Variants in PCDHGA3 observed in about 807,000 individuals in gnomAD.
The protein encoded by PCDHGA3 is protocadherin gamma-A3.
In PCDHGA3, 40 loss-of-function variants were observed where a neutral mutation model predicts 58.5. The ratio of observed to expected loss-of-function variants is 0.68; its 90% CI spans 0.53 to 0.89. PCDHGA3 has a LOEUF of 0.89. PCDHGA3 is among the 40% of genes least tolerant of loss of function. PCDHGA3 has a pLI of 0.00. For missense variants in PCDHGA3, 1,223 were observed against 1,195.9 expected (o/e 1.02, Z -0.33); for synonymous variants, 530 against 525.7 (o/e 1.01, Z -0.11).
chr5:141,433,837 C>CAA (rs56191208), intron 1 of PCDHGA3, among the ~76,000 whole-genome samples: 9,379 of 111,452 alleles, frequency 0.084, 424 homozygotes, highest in African/African-American at 0.14. Flanking sequence ...AACTCTATCT[C>CAA]AAAAAAAAAA....
intron 1 of PCDHGA3, chr5:141,388,223 A>G: frequency 6.2e-7 from 1 of 1,602,840 alleles, no homozygotes; most frequent in Non-Finnish European, 8.5e-7. Context: ...CTGAAAATCC[A>G]CTGAACTTTT....
intron 1 of PCDHGA3, chr5:141,364,978 T>C (rs753013611): frequency 1.9e-5 from 31 of 1,613,774 alleles, no homozygotes; most frequent in Admixed American, 5.0e-5. Context: ...CAGCTTTAGA[T>C]GGCGGAGACC....
chr5:141,364,114 T>C, intron 1 of PCDHGA3: 4 of 451,898 alleles, frequency 8.9e-6, no homozygotes, highest in Non-Finnish European at 1.5e-5. Flanking sequence ...TGGTTAGGAC[T>C]CTGAGTGTCG....
chr5:141,413,351 C>A (rs774333807), intron 1 of PCDHGA3: 6 of 1,613,932 alleles, frequency 3.7e-6, no homozygotes, highest in South Asian at 1.1e-5. Flanking sequence ...TTGGGTCTGG[C>A]GCCCCGGGAG....
In PCDHGA3 at chr5:141,431,339, T is replaced by A. The variant is rs1374646530; in HGVS notation, c.2425-63468T>A. 7.4e-6 allele frequency: 12 copies of A among 1,613,942 alleles called. No homozygotes were observed. In the Admixed American group the frequency reaches 1.2e-4, roughly 16 times the overall value. ...AGCCGACGGTAGTAAGTACCCCGAA[T>A]TGGTGCTGAAACGCGCCCTGGACCG... On this transcript the variant is annotated intron_variant, in intron 1 of 3. Coordinates refer to ENST00000253812, the MANE Select transcript of PCDHGA3 (RefSeq NM_018916.4). This position sits in a 1 kb window ranked among gnomAD's most constrained non-coding sequence, Gnocchi z 4.8.
intron 1 of PCDHGA3, chr5:141,390,163 C>CG (rs780815400): frequency 1.2e-6 from 2 of 1,613,992 alleles, no homozygotes; most frequent in Admixed American, 1.7e-5. Context: ...ACAGGAAAGA[C>CG]GGAGTTTAAT....
chr5:141,421,109 T>C (rs2096547097), intron 1 of PCDHGA3: 2 of 715,670 alleles, frequency 2.8e-6, no homozygotes, highest in East Asian at 2.8e-5. Flanking sequence ...GACTTAGAAG[T>C]ATTTTCCTTC....
chr5:141,367,460 C>A (rs1765144116), intron 1 of PCDHGA3: 1 of 152,002 alleles, frequency 6.6e-6, no homozygotes, highest in African/African-American at 2.4e-5. Flanking sequence ...TGGGGTGAAC[C>A]CGGGAGGAGG....
intron 1 of PCDHGA3, chr5:141,404,461 C>T: frequency 1.2e-6 from 2 of 1,613,208 alleles, no homozygotes; most frequent in Non-Finnish European, 1.7e-6. Flanking sequence ...CTCTCTCCAC[C>T]TATGTCTCTA....
intron 1 of PCDHGA3, chr5:141,362,170 C>T (rs1394296027): frequency 6.2e-7 from 1 of 1,614,036 alleles, no homozygotes; most frequent in East Asian, 2.2e-5. Flanking sequence ...CAGCGACCGC[C>T]GGGAGCCCTC....
chr5:141,388,743 A>G (rs1228676619), intron 1 of PCDHGA3: 1 of 1,613,916 alleles, frequency 6.2e-7, no homozygotes, highest in Non-Finnish European at 8.5e-7. Context: ...AGCTAGCCAG[A>G]TCACCCAATT....
chr5:141,470,565 A>T (rs2099233471), intron 1 of PCDHGA3, among the ~76,000 whole-genome samples: 1 of 152,172 alleles, frequency 6.6e-6, no homozygotes, highest in African/African-American at 2.4e-5. Context: ...CCTCTGTGCC[A>T]AGCAGGATCA....
Position 141,432,454 on chromosome 5 carries a change from C to T in PCDHGA3, c.2425-62353C>T, listed in dbSNP as rs751733947. On this transcript the variant is annotated intron_variant, in intron 1 of 3. Coordinates refer to ENST00000253812, the MANE Select transcript of PCDHGA3 (RefSeq NM_018916.4). The surrounding 1 kb of genome is among the most constrained non-coding windows in gnomAD (Gnocchi z 6.0). ...ACAATGCGCCCGAGATCCTGTACCC[C>T]GCCCTCCCCACGGACGGTTCCACTG... 134 of 1,614,108 alleles carry T rather than the reference C, an allele frequency of 8.3e-5. No homozygotes were observed. The highest frequency in any genetic ancestry group is 1.1e-4 in the Non-Finnish European group (133 of 1,180,058).
At chr5:141,367,142 G>A (rs1224581067) in intron 1 of PCDHGA3, 1 of 171,748 alleles carries the variant, frequency 5.8e-6, no homozygotes, top group African/African-American at 2.4e-5. Flanking sequence ...AAAGGATAAT[G>A]TATAGGACTG....
intron 1 of PCDHGA3, chr5:141,393,608 A>G: frequency 6.2e-7 from 1 of 1,613,986 alleles, no homozygotes; most frequent in Non-Finnish European, 8.5e-7. Context: ...TTACTGTAAC[A>G]GCCAGCGACC....
chr5:141,487,667 A>G lies in PCDHGA3; in HGVS notation c.2425-7140A>G, dbSNP rs2099657916. ...GCTTGAGGGTTATTCTGATCCAGGC[A>G]TATGGCTAGGCCATGTCCTAGAGAG... On this transcript the variant is annotated intron_variant, in intron 1 of 3. Transcript: ENST00000253812. This position sits in a 1 kb window ranked among gnomAD's most constrained non-coding sequence, Gnocchi z 5.0. 6.2e-7 allele frequency: 1 copy of G among 1,612,782 alleles called. No individual in the cohort carries two copies. The highest frequency in any genetic ancestry group is 1.1e-5 in the South Asian group (1 of 90,692).
chr5:141,423,348 C>G, intron 1 of PCDHGA3: 1 of 1,614,222 alleles, frequency 6.2e-7, no homozygotes. Flanking sequence ...TCTTCCTGGT[C>G]TTTGTCATCG....
At position 141,390,019 on chromosome 5, in the gene PCDHGA3, G is replaced by A. The variant is rs1047341984; in HGVS notation, c.2424+43562G>A. The A allele has an allele frequency of 1.9e-6, 3 of 1,614,002 alleles. No individual in the cohort carries two copies. Among genetic ancestry groups the A allele is most frequent in the Non-Finnish European group, 2.5e-6 (3 of 1,179,896 alleles). Reference sequence around the variant, plus strand: ...GCCATGATTCTGGCCATTGCCTTGCGCCTGCGACGCTCCTCCAGCCCCGCC... The same window carrying A: ...GCCATGATTCTGGCCATTGCCTTGCACCTGCGACGCTCCTCCAGCCCCGCC... On this transcript the variant is annotated intron_variant, in intron 1 of 3. Transcript: ENST00000253812.
intron 1 of PCDHGA3, among the ~76,000 whole-genome samples, chr5:141,468,758 C>T (rs929005462): frequency 6.6e-5 from 10 of 151,684 alleles, no homozygotes; most frequent in African/African-American, 2.2e-4. Context: ...CCCAGCTACT[C>T]GGGAGGCTGA....
Sources: allele counts gnomAD v4.1 joint callset (sites outside exome capture counted in the v4.1 genomes callset), GRCh38; gene constraint gnomAD v4.1.1; non-coding constraint Gnocchi (gnomAD v3.1); transcripts MANE v1.5; gene names NCBI Gene and HGNC (gene_info 2026-07-23, HGNC 2026-07-21).